Variants in PCDHGB3 observed in about 807,000 individuals in gnomAD.
PCDHGB3 encodes protocadherin gamma-B3.
A neutral mutation model predicts 59.2 loss-of-function variants in PCDHGB3; 40 were observed. That is an observed-to-expected ratio of 0.68 (90% CI 0.52 to 0.88). The LOEUF is 0.88. PCDHGB3 is among the 40% of genes least tolerant of loss of function. PCDHGB3 has a pLI of 0.00. For missense variants in PCDHGB3, 1,309 were observed against 1,187.9 expected (o/e 1.10, Z -1.50); for synonymous variants, 581 against 503.6 (o/e 1.15, Z -2.06).
rs564582881 is a variant in PCDHGB3, at chr5:141,432,735, C to T, written c.2415+59926C>T. ...CAGCCCCCTCTCTCCGCCACTGTCA[C>T]GCTCACCGTGGCCGTGGCCGACAGC... On this transcript the variant is annotated intron_variant, in intron 1 of 3. Coordinates refer to ENST00000576222, the MANE Select transcript of PCDHGB3 (RefSeq NM_018924.5). This position sits in a 1 kb window ranked among gnomAD's most constrained non-coding sequence, Gnocchi z 6.0. 2 of 1,614,094 alleles carry T rather than the reference C, an allele frequency of 1.2e-6. No individual in the cohort carries two copies. The highest frequency in any genetic ancestry group is 1.1e-5 in the South Asian group (1 of 91,086).
chr5:141,409,164 C>G (rs115772303), intron 1 of PCDHGB3: 18 of 1,613,792 alleles, frequency 1.1e-5, no homozygotes, highest in Non-Finnish European at 1.4e-5. Flanking sequence ...GAAGTGGAAG[C>G]GAAGGACGGA....
intron 1 of PCDHGB3, chr5:141,426,796 T>C (rs1053668481): frequency 8.8e-6 from 4 of 456,720 alleles, no homozygotes. Context: ...AGTTACCAGC[T>C]CAGTTCTAAT....
intron 1 of PCDHGB3, among the ~76,000 whole-genome samples, chr5:141,452,253 T>G (rs2098736880): frequency 6.6e-6 from 1 of 152,166 alleles, no homozygotes; most frequent in Admixed American, 6.5e-5. Context: ...TTGCCATAAC[T>G]CTCTCATTTT....
intron 1 of PCDHGB3, chr5:141,398,155 C>G (rs1238092530): frequency 1.3e-5 from 19 of 1,492,684 alleles, no homozygotes; most frequent in Non-Finnish European, 1.7e-5. Flanking sequence ...GGAGCTGGGC[C>G]GGGCTGAGAG....
At chr5:141,392,691 AC>A in intron 1 of PCDHGB3, 1 of 1,132,688 alleles carries the variant, frequency 8.8e-7, no homozygotes, top group Non-Finnish European at 1.2e-6. Context: ...GCGAAACCCG[AC>A]CCCTGTTTGG....
rs768135284 is a variant in PCDHGB3, at chr5:141,489,277, T to C, written c.2416-5530T>C. ...GACACTCCCACAGCTCGCTGGGAAA[T>C]GGCAAGTGCTGTGCATGTTGTCCTT... On this transcript the variant is annotated intron_variant, in intron 1 of 3. Transcript: ENST00000576222. This position sits in a 1 kb window ranked among gnomAD's most constrained non-coding sequence, Gnocchi z 4.5. 7.1e-6 allele frequency: 11 copies of C among 1,556,078 alleles called. No individual in the cohort carries two copies. Among genetic ancestry groups the C allele is most frequent in the South Asian group, 3.7e-5 (3 of 80,348 alleles).
chr5:141,479,703 C>T (rs1219257838), intron 1 of PCDHGB3: 1 of 152,182 alleles, frequency 6.6e-6, no homozygotes, highest in African/African-American at 2.4e-5. Context: ...AGTGTTAGTC[C>T]CTGTCCTTCC....
chr5:141,392,783 G>T, intron 1 of PCDHGB3: 1 of 1,542,922 alleles, frequency 6.5e-7, no homozygotes, highest in Admixed American at 2.1e-5. Flanking sequence ...GCACAGTGAA[G>T]ATTCTGAGAG....
rs188338684 is a variant in PCDHGB3, at chr5:141,431,953, C to T, written c.2415+59144C>T. ...TGCCCTTTAAATTAGAAAAATCTTA[C>T]GGAAATTACTATAGTTTAGTCACAG... On this transcript the variant is annotated intron_variant, in intron 1 of 3. Transcript: ENST00000576222. The surrounding 1 kb of genome is among the most constrained non-coding windows in gnomAD (Gnocchi z 4.8). 2.4e-5 allele frequency: 38 copies of T among 1,614,082 alleles called. No homozygotes were observed. In the East Asian group the frequency reaches 7.6e-4, roughly 32 times the overall value.
chr5:141,486,153 C>A lies in PCDHGB3; in HGVS notation c.2416-8654C>A, dbSNP rs1330257915. On this transcript the variant is annotated intron_variant, in intron 1 of 3. Coordinates refer to ENST00000576222, the MANE Select transcript of PCDHGB3 (RefSeq NM_018924.5). This position sits in a 1 kb window ranked among gnomAD's most constrained non-coding sequence, Gnocchi z 5.0. ...GATGTGCGGGCTCGCGATGGGGGTTCTCCAGCCATGGAGCAACATTGCAGC... is the reference window on the plus strand; with the variant it reads ...GATGTGCGGGCTCGCGATGGGGGTTATCCAGCCATGGAGCAACATTGCAGC... 6.2e-7 allele frequency: 1 copy of A among 1,614,202 alleles called. No individual in the cohort carries two copies. The highest frequency in any genetic ancestry group is 1.7e-5 in the Admixed American group (1 of 60,022).
Position 141,370,669 on chromosome 5 carries a change from G to T in PCDHGB3, c.275G>T (p.Arg92Leu), listed in dbSNP as rs370792537. 8.7e-6 allele frequency: 14 copies of T among 1,613,790 alleles called. No homozygotes were observed. The highest frequency in any genetic ancestry group is 1.1e-5 in the Non-Finnish European group (13 of 1,179,912). Residue 92 changes from arginine to leucine, a missense_variant, in exon 1 of 4, where the codon CGA becomes CTA. Physicochemically the swap from Arg to Leu is moderately radical, Grantham distance 102 (BLOSUM62 -2). Coordinates refer to ENST00000576222, the MANE Select transcript of PCDHGB3 (RefSeq NM_018924.5). ...GNLLVSDRID[R>L]EEICGKKSTC... is the part of the protein sequence containing the mutation. ...TTACTTGTGAGCGACCGTATAGACCGAGAGGAGATTTGTGGCAAGAAGTCG... is the reference window on the plus strand; with the variant it reads ...TTACTTGTGAGCGACCGTATAGACCTAGAGGAGATTTGTGGCAAGAAGTCG...
At chr5:141,373,509 C>G (rs1444734450) in intron 1 of PCDHGB3, among the ~76,000 whole-genome samples, 1 of 152,152 alleles carries the variant, frequency 6.6e-6, no homozygotes, top group East Asian at 1.9e-4. Flanking sequence ...GGAGACAGAG[C>G]GAGACTTTGT....
intron 1 of PCDHGB3, chr5:141,398,210 C>T (rs755562930): frequency 1.3e-6 from 2 of 1,483,862 alleles, no homozygotes; most frequent in South Asian, 1.3e-5. Flanking sequence ...TTCTGCCCGG[C>T]GCTCTGTGAG....
intron 1 of PCDHGB3, chr5:141,415,556 CTT>C: frequency 6.2e-7 from 1 of 1,614,078 alleles, no homozygotes; most frequent in Non-Finnish European, 8.5e-7. Context: ...AAAAACGATC[CTT>C]TGTCTTTGTT....
rs1457765340 is a variant in PCDHGB3 at position 141,491,122 on chromosome 5, G to GT, written c.2416-3684dup. 1 of 1,614,058 alleles carries GT rather than the reference G, an allele frequency of 6.2e-7. No homozygotes were observed. Among genetic ancestry groups the GT allele is most frequent in the Non-Finnish European group, 8.5e-7 (1 of 1,180,036 alleles). Reference sequence around the variant, plus strand: ...CCTCGTGTCTACACACACTGGTGAGGTGCGCACAGCCCGGGCCTTACTGGA... The same window carrying GT: ...CCTCGTGTCTACACACACTGGTGAGGTTGCGCACAGCCCGGGCCTTACTGGA... On this transcript the variant is annotated intron_variant, in intron 1 of 3. Coordinates refer to ENST00000576222, the MANE Select transcript of PCDHGB3 (RefSeq NM_018924.5). The surrounding 1 kb of genome is among the most constrained non-coding windows in gnomAD (Gnocchi z 6.9).
chr5:141,412,459 A>C (rs1267719740), intron 1 of PCDHGB3: 1 of 152,232 alleles, frequency 6.6e-6, no homozygotes, highest in Non-Finnish European at 1.5e-5. Flanking sequence ...AAACTATTCT[A>C]GAAGAGTACT....
At chr5:141,375,474 A>G (rs369592332) in intron 1 of PCDHGB3, 1 of 1,613,772 alleles carries the variant, frequency 6.2e-7, no homozygotes, top group African/African-American at 1.3e-5. Flanking sequence ...GTCCTTGAAA[A>G]CAACCCCAGG....
At position 141,489,335 on chromosome 5, in the gene PCDHGB3, G is replaced by C. The variant is rs138015049; in HGVS notation, c.2416-5472G>C. 1.4e-5 allele frequency: 22 copies of C among 1,607,364 alleles called. No individual in the cohort carries two copies. Among genetic ancestry groups the C allele is most frequent in the Non-Finnish European group, 1.9e-5 (22 of 1,175,842 alleles). The stretch of plus-strand genomic sequence containing the variant: ...TGGGGCTGGGTGTCTGGGCAGCTTC[G>C]TTACTCAGTGGTGGAGGAGTCTGAG... On this transcript the variant is annotated intron_variant, in intron 1 of 3. Transcript: ENST00000576222. This position sits in a 1 kb window ranked among gnomAD's most constrained non-coding sequence, Gnocchi z 4.5.
chr5:141,430,997 C>T, intron 1 of PCDHGB3: 1 of 1,613,926 alleles, frequency 6.2e-7, no homozygotes, highest in Non-Finnish European at 8.5e-7. Context: ...CCTGAATCCG[C>T]GCAGCGGCAG....
Sources: allele counts gnomAD v4.1 joint callset (sites outside exome capture counted in the v4.1 genomes callset), GRCh38; gene constraint gnomAD v4.1.1; non-coding constraint Gnocchi (gnomAD v3.1); transcripts MANE v1.5; gene names NCBI Gene and HGNC (gene_info 2026-07-23, HGNC 2026-07-21).